DPYSL3: variants seen among roughly 807,000 people sequenced by gnomAD.
DPYSL3 encodes the protein dihydropyrimidinase like 3, also known as dihydropyrimidinase-related protein 3.
DPYSL3 carries 16 observed loss-of-function variants against 66.1 expected under a neutral mutation model. The ratio of observed to expected loss-of-function variants is 0.24; its 90% CI spans 0.16 to 0.37. The LOEUF (loss-of-function observed/expected upper bound fraction) is 0.37, where lower values mean the gene tolerates loss of function less well. Among genes scored for constraint, DPYSL3 ranks in the 10% least tolerant of loss-of-function variants. The pLI, the probability that DPYSL3 is intolerant of heterozygous loss-of-function variation, is 1.00. For missense variants in DPYSL3, 738 were observed against 916.2 expected (o/e 0.81, Z 2.51); for synonymous variants, 338 against 345.1 (o/e 0.98, Z 0.23).
At chr5:147,446,599 AACAG>A (rs1007290653) in intron 1 of DPYSL3, among the ~76,000 whole-genome samples, 2 of 152,186 alleles carry the variant, frequency 1.3e-5, no homozygotes, top group Non-Finnish European at 2.9e-5. Context: ...ACTGAAGGGA[AACAG>A]ACAGCCTGGC....
rs193137711 is a variant in DPYSL3, at chr5:147,497,273, G to T, written c.381+12205C>A. Among the ~76,000 whole-genome samples the T allele has an allele frequency of 1.5e-4, 23 of 151,118 alleles. 1 individual carries two copies. The highest frequency in any genetic ancestry group is 4.6e-4 in the African/African-American group (19 of 41,150). On this transcript the variant is annotated intron_variant, in intron 1 of 13. Coordinates refer to ENST00000343218, the MANE Select transcript of DPYSL3 (RefSeq NM_001197294.2). The stretch of plus-strand genomic sequence containing the variant: ...TGTGGGGTGGGGGGAGGGGGAAGGG[G>T]TAGCATTAGGAGATATACCTAATGC...
chr5:147,401,230 A>C (rs1758166754), intron 9 of DPYSL3, among the ~76,000 whole-genome samples: 1 of 152,234 alleles, frequency 6.6e-6, no homozygotes, highest in African/African-American at 2.4e-5. Context: ...AATGCTGATA[A>C]GAGTGCCTCA....
intron 1 of DPYSL3, among the ~76,000 whole-genome samples, chr5:147,453,231 G>A (rs927049237): frequency 6.6e-6 from 1 of 152,246 alleles, no homozygotes; most frequent in Non-Finnish European, 1.5e-5. Flanking sequence ...ACTCCAGGCG[G>A]AGCAGTGGTC....
chr5:147,481,190 G>A (rs377673268), intron 1 of DPYSL3, among the ~76,000 whole-genome samples: 2 of 152,158 alleles, frequency 1.3e-5, no homozygotes, highest in Non-Finnish European at 1.5e-5. Flanking sequence ...CATAATAGCT[G>A]TGTGACAGTT....
At chr5:147,482,751 T>G (rs965777208) in intron 1 of DPYSL3, among the ~76,000 whole-genome samples, 1 of 152,224 alleles carries the variant, frequency 6.6e-6, no homozygotes, top group Non-Finnish European at 1.5e-5. Flanking sequence ...TAGTCTGTTT[T>G]CACATTGGTA....
intron 1 of DPYSL3, among the ~76,000 whole-genome samples, chr5:147,438,891 C>G (rs1752467914): frequency 6.6e-6 from 1 of 152,196 alleles, no homozygotes; most frequent in Admixed American, 6.5e-5. Flanking sequence ...TCCCCTGTTG[C>G]CCCAAGTCTT....
At chr5:147,428,870 G>A (rs1313503336) in intron 1 of DPYSL3, among the ~76,000 whole-genome samples, 2 of 152,168 alleles carry the variant, frequency 1.3e-5, no homozygotes, top group African/African-American at 4.8e-5. Flanking sequence ...TAATACCTAG[G>A]TGATGGGTTG....
intron 1 of DPYSL3, among the ~76,000 whole-genome samples, chr5:147,439,225 C>T (rs899035525): frequency 1.3e-5 from 2 of 152,086 alleles, no homozygotes; most frequent in South Asian, 2.1e-4. Context: ...AAATAAATAG[C>T]GTAATTTCAA....
Position 147,509,925 on chromosome 5 carries a change from C to T in DPYSL3, c.-67G>A. ...AGGCGGAAAGGGCAGCCGCCGGCAG[C>T]GTGCGCCGAGCCACAGTGACTGTGG... is the stretch of plus-strand genomic sequence containing the variant. On this transcript the variant is annotated 5_prime_UTR_variant, in exon 1 of 14. Transcript: ENST00000343218. This position sits in a 1 kb window ranked among gnomAD's most constrained non-coding sequence, Gnocchi z 5.3. 6.9e-7 allele frequency: 1 copy of T among 1,452,798 alleles called. No homozygotes were observed. The highest frequency in any genetic ancestry group is 2.5e-5 in the East Asian group (1 of 39,952). 90.0% of individuals were successfully genotyped at this position (1,452,798 alleles called of 1,614,324 possible). A position where few individuals can be genotyped will look rare whatever the true frequency, so the allele number is the denominator to read the frequency against.
chr5:147,476,837 G>A (rs1289195240), intron 1 of DPYSL3, among the ~76,000 whole-genome samples: 2 of 151,984 alleles, frequency 1.3e-5, no homozygotes, highest in Non-Finnish European at 1.5e-5. Flanking sequence ...ATATTAACAT[G>A]AACAATGTTC....
rs1757858205 is a variant in DPYSL3 at position 147,392,997 on chromosome 5, C to T, written c.*1038G>A. The T allele has an allele frequency of 6.6e-6, 1 of 152,198 alleles. No individual in the cohort carries two copies. The highest frequency in any genetic ancestry group is 2.4e-5 in the African/African-American group (1 of 41,446). The allele number at this position is 152,198 out of a possible 1,614,324, so 9.4% of individuals were successfully genotyped here. A position where few individuals can be genotyped will look rare whatever the true frequency, so the allele number is the denominator to read the frequency against. On this transcript the variant is annotated 3_prime_UTR_variant, in exon 14 of 14. Transcript: ENST00000343218. ...CTATTTATCATGGATGTGCCAGGAT[C>T]GAGAGAATCAAACACAAACTGCCTG...
At chr5:147,437,809 A>G (rs1752441106) in intron 1 of DPYSL3, among the ~76,000 whole-genome samples, 1 of 152,190 alleles carries the variant, frequency 6.6e-6, no homozygotes, top group Non-Finnish European at 1.5e-5. Context: ...TCCTGACTGT[A>G]AAGCGAGGAA....
At chr5:147,453,647 C>T (rs1561794300) in intron 1 of DPYSL3, 2 of 1,505,022 alleles carry the variant, frequency 1.3e-6, no homozygotes, top group Admixed American at 4.3e-5. Context: ...CCGGCTCGCC[C>T]GCGCCTTCCT....
intron 1 of DPYSL3, among the ~76,000 whole-genome samples, chr5:147,433,908 T>G (rs1428951032): frequency 2.0e-5 from 3 of 151,894 alleles, no homozygotes; most frequent in Admixed American, 2.0e-4. Context: ...GGCATCCCTG[T>G]AATCCCAGCT....
At chr5:147,453,418 C>G (rs901980527) in intron 1 of DPYSL3, 19 of 1,338,800 alleles carry the variant, frequency 1.4e-5, no homozygotes, top group Non-Finnish European at 1.8e-5. Flanking sequence ...GCTCCGCCAC[C>G]CGGACCCCGG....
intron 1 of DPYSL3, among the ~76,000 whole-genome samples, chr5:147,444,990 C>T (rs7732327): frequency 0.61 from 92,058 of 151,610 alleles, 28,426 homozygotes; most frequent in African/African-American, 0.72. Flanking sequence ...TTGTAGTTTA[C>T]GTGCAAAGGC....
chr5:147,413,743 C>G (rs1006995068), intron 4 of DPYSL3, 86 bp from the exon 5 acceptor site: 37 of 1,067,742 alleles, frequency 3.5e-5, no homozygotes, highest in Non-Finnish European at 4.6e-5. Flanking sequence ...TTCCATCGAC[C>G]ATAGCACCCA....
chr5:147,438,439 A>G (rs1752453732), intron 1 of DPYSL3, among the ~76,000 whole-genome samples: 1 of 152,212 alleles, frequency 6.6e-6, no homozygotes, highest in Non-Finnish European at 1.5e-5. Context: ...ATCCTAGAAC[A>G]AAAGGTTTCT....
rs1245713924 is a variant in DPYSL3 at position 147,399,204 on chromosome 5, T to C, written c.1501A>G (p.Asn501Asp). 6.2e-7 allele frequency: 1 copy of C among 1,614,104 alleles called. No homozygotes were observed. The highest frequency in any genetic ancestry group is 8.5e-7 in the Non-Finnish European group (1 of 1,180,050). The change falls in exon 11 of 14, where the codon AAC (asparagine) becomes GAC (aspartate). Residue 501 changes from asparagine to aspartate, a missense_variant. Physicochemically the swap from Asn to Asp is conservative, Grantham distance 23. Transcript: ENST00000343218. ...ENQFVAVTST[N>D]AAKIFNLYPR... Reference sequence around the variant, plus strand: ...TACAGGTTGAAGATCTTGGCAGCGTTTGTGCTTGTCACAGCCACGAACTGG... The same window carrying C: ...TACAGGTTGAAGATCTTGGCAGCGTCTGTGCTTGTCACAGCCACGAACTGG...
Sources: allele counts gnomAD v4.1 joint callset (sites outside exome capture counted in the v4.1 genomes callset), GRCh38; gene constraint gnomAD v4.1.1; non-coding constraint Gnocchi (gnomAD v3.1); transcripts MANE v1.5; gene names NCBI Gene and HGNC (gene_info 2026-07-23, HGNC 2026-07-21).